The following EXOC3L2 variants were observed in gnomAD, a reference collection of about 807,000 sequenced individuals.
EXOC3L2 encodes exocyst complex component 3 like 2.
In EXOC3L2, 17 loss-of-function variants were observed where a neutral mutation model predicts 44.4. The observed-to-expected ratio is 0.38, with a 90% CI of 0.26 to 0.57. EXOC3L2 has a LOEUF of 0.57. Ranked by LOEUF, EXOC3L2 falls within the 20% of genes least tolerant of loss-of-function variation. EXOC3L2 has a pLI of 0.65. For missense variants in EXOC3L2, 541 were observed against 588.4 expected (o/e 0.92, Z 0.83); for synonymous variants, 256 against 253.7 (o/e 1.01, Z -0.09).
At chr19:45,232,612 G>A (rs920477545) in intron 3 of EXOC3L2, among the ~76,000 whole-genome samples, 4 of 152,168 alleles carry the variant, frequency 2.6e-5, no homozygotes, top group African/African-American at 9.7e-5. Context: ...CTCTGGGGTA[G>A]ACAGGTGACC....
In EXOC3L2 at chr19:45,234,237, G is replaced by A. The variant is rs191977113; in HGVS notation, c.1113C>T (p.Ala371=). 442 of 396,918 alleles carry A rather than the reference G, an allele frequency of 1.1e-3. 2 individuals carry two copies. In the East Asian group the frequency reaches 0.014, roughly 13 times the overall value. The allele number at this position is 396,918 out of a possible 1,614,324, so 24.6% of individuals were successfully genotyped here. ...GCCAGTGCAGCAGCGCGTAGCGGTC[G>A]GCCAGCGGCAGCCTGCGACGGGCGG... The part of the protein sequence containing the change: ...GASARRRLPL[A]DRYALLHWHN... The change falls in exon 3 of 12, where the codon GCC becomes GCT. Residue 371 remains alanine (A), a synonymous_variant. Coordinates refer to ENST00000413988, the MANE Select transcript of EXOC3L2 (RefSeq NM_001382422.1). This position sits in a 1 kb window ranked among gnomAD's most constrained non-coding sequence, Gnocchi z 5.0.
chr19:45,218,180 C>T lies in EXOC3L2; in HGVS notation c.1842+17G>A. The T allele has an allele frequency of 6.9e-7, 1 of 1,457,064 alleles. No homozygotes were observed. The highest frequency in any genetic ancestry group is 9.1e-7 in the Non-Finnish European group (1 of 1,093,164). 90.3% of individuals were successfully genotyped at this position (1,457,064 alleles called of 1,614,324 possible). ...TTTTCCCCCACCCCCACCTCCCCTC[C>T]CCTCAGGCAGGTGCACCTGGTAAGG... On this transcript the variant is annotated intron_variant, in intron 9 of 11. Coordinates refer to ENST00000413988, the MANE Select transcript of EXOC3L2 (RefSeq NM_001382422.1).
rs574329114 is a variant in EXOC3L2, at chr19:45,241,105, C to T, written c.-16-2044G>A. The stretch of plus-strand genomic sequence containing the variant: ...CACTTCCCATAGCCCCTACCCCAAG[C>T]GGAACCCTTGCCCACTTCCCTGCCC... On this transcript the variant is annotated intron_variant, in intron 1 of 11. Transcript: ENST00000413988. Among the ~76,000 whole-genome samples, 15 of 152,192 alleles carry T rather than the reference C, an allele frequency of 9.9e-5. No individual in the cohort carries two copies. The East Asian group carries it at 1.9e-3, about 20-fold the overall frequency.
At chr19:45,239,168 C>G (rs1232472195) in intron 1 of EXOC3L2, 107 bp from the exon 2 acceptor site, 2 of 392,906 alleles carry the variant, frequency 5.1e-6, no homozygotes, top group East Asian at 3.6e-5. Context: ...AGACACTTGC[C>G]TGAGCACTTA....
chr19:45,225,653 G>A (rs1484438434), intron 7 of EXOC3L2, among the ~76,000 whole-genome samples: 2 of 102,314 alleles, frequency 2.0e-5, no homozygotes, highest in Admixed American at 1.1e-4. Context: ...ACACAGTTTT[G>A]CTCTTGTTGC....
intron 8 of EXOC3L2, among the ~76,000 whole-genome samples, chr19:45,223,092 G>GAAATA (rs1444917115): frequency 2.6e-5 from 4 of 152,040 alleles, no homozygotes; most frequent in African/African-American, 9.7e-5. Context: ...GTCTCTACCA[G>GAAATA]AAATACAAAT....
chr19:45,213,297 C>G lies in EXOC3L2; in HGVS notation c.2181G>C (p.Gln727His). ...IRGLRNTAARQEILAVARDLE... is the reference protein window; with the variant it reads ...IRGLRNTAARHEILAVARDLE... ...GGTCCCGGGCCACGGCCAGGATCTCCTGGCGGGCGGCTGTGTTGCGCAGGC... is the reference window on the plus strand; with the variant it reads ...GGTCCCGGGCCACGGCCAGGATCTCGTGGCGGGCGGCTGTGTTGCGCAGGC... The change falls in exon 12 of 12, where the codon CAG (glutamine) becomes CAC (histidine). Residue 727 changes from glutamine to histidine, a missense_variant. By Grantham distance (24) the Gln-to-His change is conservative (BLOSUM62 0). Coordinates refer to ENST00000413988, the MANE Select transcript of EXOC3L2 (RefSeq NM_001382422.1). 1 of 1,613,880 alleles carries G rather than the reference C, an allele frequency of 6.2e-7. No homozygotes were observed. The highest frequency in any genetic ancestry group is 1.7e-4 in the Middle Eastern group (1 of 6,058).
intron 3 of EXOC3L2, among the ~76,000 whole-genome samples, chr19:45,233,516 C>A (rs1467969623): frequency 6.6e-6 from 1 of 152,162 alleles, no homozygotes; most frequent in East Asian, 1.9e-4. Context: ...TGCTAAAACT[C>A]TAAGACTGGA....
intron 3 of EXOC3L2, among the ~76,000 whole-genome samples, chr19:45,233,321 A>G (rs544845070): frequency 6.6e-6 from 1 of 152,344 alleles, no homozygotes; most frequent in South Asian, 2.1e-4. Context: ...TAGGATTCAA[A>G]GCTTCATTGG....
Position 45,234,761 on chromosome 19 carries a change from G to C in EXOC3L2, c.589C>G (p.Leu197Val). 3 of 396,128 alleles carry C rather than the reference G, an allele frequency of 7.6e-6. No homozygotes were observed. Among genetic ancestry groups the C allele is most frequent in the Non-Finnish European group, 1.3e-5 (3 of 224,398 alleles). 24.5% of individuals were successfully genotyped at this position (396,128 alleles called of 1,614,324 possible). Reference sequence around the variant, plus strand: ...GACGGCGCCAGCTCCTCGGCCTCTAGCTCCAGGATGTGCTCGTCCGCACGC... The same window carrying C: ...GACGGCGCCAGCTCCTCGGCCTCTACCTCCAGGATGTGCTCGTCCGCACGC... ...LARADEHILE[L>V]EAEELAPSRG... Residue 197 changes from leucine to valine, a missense_variant, in exon 3 of 12, where the codon CTA becomes GTA. Leu to Val is a conservative substitution (Grantham distance 32). Coordinates refer to ENST00000413988, the MANE Select transcript of EXOC3L2 (RefSeq NM_001382422.1). This position sits in a 1 kb window ranked among gnomAD's most constrained non-coding sequence, Gnocchi z 5.0.
At chr19:45,245,173 G>A (rs546591970) in intron 1 of EXOC3L2, among the ~76,000 whole-genome samples, 168 bp downstream of exon 1, 1 of 151,522 alleles carries the variant, frequency 6.6e-6, no homozygotes, top group South Asian at 2.1e-4. Flanking sequence ...CTGCCTTCTC[G>A]CCAGCACCCC....
chr19:45,228,012 G>A lies in EXOC3L2; in HGVS notation c.1434C>T (p.Ala478=), dbSNP rs768740270. The A allele has an allele frequency of 1.9e-6, 3 of 1,613,866 alleles. No individual in the cohort carries two copies. The highest frequency in any genetic ancestry group is 2.5e-6 in the Non-Finnish European group (3 of 1,180,022). Residue 478 remains alanine, a synonymous_variant, in exon 6 of 12, where the codon GCC becomes GCT. Coordinates refer to ENST00000413988, the MANE Select transcript of EXOC3L2 (RefSeq NM_001382422.1). ...CTGCCAGCCCGCCTAGGCAGCAGTG[G>A]GCCATCCGCTCCCCAAACTCCTGGC... The part of the protein sequence containing the change: ...RISQEFGERM[A]HCCLGGLAEF...
intron 7 of EXOC3L2, among the ~76,000 whole-genome samples, chr19:45,227,384 G>A (rs1302234466): frequency 6.6e-6 from 1 of 152,114 alleles, no homozygotes; most frequent in Non-Finnish European, 1.5e-5. Flanking sequence ...GCCTCCCAAA[G>A]TGCTGGGATT....
chr19:45,235,917 C>T (rs1970079903), intron 2 of EXOC3L2, among the ~76,000 whole-genome samples: 1 of 151,890 alleles, frequency 6.6e-6, no homozygotes. Flanking sequence ...GGCTCAGGCA[C>T]GGGAGCAGAG....
At chr19:45,225,770 C>A (rs1969953614) in intron 7 of EXOC3L2, among the ~76,000 whole-genome samples, 1 of 151,906 alleles carries the variant, frequency 6.6e-6, no homozygotes, top group African/African-American at 2.4e-5. Flanking sequence ...CTACAGGCAC[C>A]CGCCACCACA....
chr19:45,213,048 A>T lies in EXOC3L2; in HGVS notation c.*21T>A. 1 of 1,464,678 alleles carries T rather than the reference A, an allele frequency of 6.8e-7. No homozygotes were observed. The allele number at this position is 1,464,678 out of a possible 1,614,324, so 90.7% of individuals were successfully genotyped here. A position where few individuals can be genotyped will look rare whatever the true frequency, so the allele number is the denominator to read the frequency against. ...GTCAGCAGCATAGATGGGGTCACTA[A>T]GGCCGGCGGTTGGGTGACCCTCAGC... On this transcript the variant is annotated 3_prime_UTR_variant, in exon 12 of 12. Coordinates refer to ENST00000413988, the MANE Select transcript of EXOC3L2 (RefSeq NM_001382422.1).
intron 4 of EXOC3L2, among the ~76,000 whole-genome samples, chr19:45,228,898 C>T (rs1442979483): frequency 3.3e-5 from 5 of 150,826 alleles, no homozygotes; most frequent in African/African-American, 7.4e-5. Context: ...GGTGAAACCC[C>T]GTCTCCACTA....
intron 2 of EXOC3L2, among the ~76,000 whole-genome samples, chr19:45,236,430 C>T (rs548414502): frequency 1.5e-5 from 2 of 135,366 alleles, no homozygotes; most frequent in South Asian, 4.9e-4. Context: ...CTTGCCATTG[C>T]ACTCCAGCCT....
intron 4 of EXOC3L2, among the ~76,000 whole-genome samples, chr19:45,228,939 T>C (rs895363811): frequency 4.7e-4 from 72 of 151,698 alleles, no homozygotes; most frequent in African/African-American, 1.7e-3. Flanking sequence ...GGCGTGGTGG[T>C]GGGCGCCTGT....
Sources: allele counts gnomAD v4.1 joint callset (sites outside exome capture counted in the v4.1 genomes callset), GRCh38; gene constraint gnomAD v4.1.1; non-coding constraint Gnocchi (gnomAD v3.1); transcripts MANE v1.5; gene names NCBI Gene and HGNC (gene_info 2026-07-23, HGNC 2026-07-21).